The following DHRS7B variants were observed in gnomAD, a reference collection of about 807,000 sequenced individuals.
DHRS7B encodes peroxisomal reductase activating PPAR-gamma.
A neutral mutation model predicts 26.4 loss-of-function variants in DHRS7B; 24 were observed. That is an observed-to-expected ratio of 0.91 (90% CI 0.66 to 1.28). DHRS7B has a LOEUF of 1.28. DHRS7B is among the 50% of genes most tolerant of loss of function. The pLI, the probability that DHRS7B is intolerant of heterozygous loss-of-function variation, is 0.00. For synonymous variants in DHRS7B, 142 were observed against 166.4 expected (o/e 0.85, Z 1.13); for missense variants, 368 against 419.4 (o/e 0.88, Z 1.07).
chr17:21,128,319 T>C (rs907097015), intron 1 of DHRS7B: 2 of 152,004 alleles, frequency 1.3e-5, no homozygotes, highest in Non-Finnish European at 2.9e-5. Flanking sequence ...CCCAGCACTT[T>C]AGGAGGCTGA....
intron 1 of DHRS7B, among the ~76,000 whole-genome samples, chr17:21,163,512 C>T (rs193261761): frequency 2.6e-5 from 4 of 152,134 alleles, no homozygotes; most frequent in South Asian, 2.1e-4. Flanking sequence ...TCAATGCCGC[C>T]GTGAAGAAAA....
intron 1 of DHRS7B, among the ~76,000 whole-genome samples, chr17:21,165,374 C>G (rs1420335627): frequency 6.6e-6 from 1 of 152,006 alleles, no homozygotes; most frequent in Non-Finnish European, 1.5e-5. Flanking sequence ...CAGGGTCTCA[C>G]TCTGTCACCC....
intron 1 of DHRS7B, among the ~76,000 whole-genome samples, chr17:21,157,310 CA>C (rs1973902963): frequency 6.6e-6 from 1 of 152,142 alleles, no homozygotes; most frequent in Non-Finnish European, 1.5e-5. Flanking sequence ...CAAATATCCT[CA>C]AAAAATATTA....
At chr17:21,178,400 T>C (rs1430855281) in intron 3 of DHRS7B, 58 bp downstream of exon 3, 16 of 1,425,022 alleles carry the variant, frequency 1.1e-5, no homozygotes, top group African/African-American at 9.8e-5. Flanking sequence ...CTGTAGGCAC[T>C]GAGGAGATAG....
At chr17:21,172,519 G>A (rs1974281719) in intron 2 of DHRS7B, 2 of 436,446 alleles carry the variant, frequency 4.6e-6, no homozygotes, top group Admixed American at 7.5e-5. Context: ...GCTGAGGTAG[G>A]AATTTTATGT....
chr17:21,166,131 C>T (rs929855866), intron 1 of DHRS7B: 3 of 985,168 alleles, frequency 3.0e-6, no homozygotes, highest in Admixed American at 1.2e-4. Context: ...TCTCCGCCCC[C>T]CCTCACAGGA....
chr17:21,140,002 T>TC (rs1006899429), intron 1 of DHRS7B, among the ~76,000 whole-genome samples: 6 of 148,312 alleles, frequency 4.0e-5, no homozygotes, highest in African/African-American at 1.2e-4. Context: ...ACCTTTTTTT[T>TC]CCTATCAGAC....
chr17:21,140,022 C>CTT lies in DHRS7B; in HGVS notation c.20+13050_20+13051dup, dbSNP rs201900387. On this transcript the variant is annotated intron_variant, in intron 1 of 6. Transcript: ENST00000395511. The stretch of plus-strand genomic sequence containing the variant: ...TTTTTTCCTATCAGACTTTCAGATT[C>CTT]TTTTTTTTTTTTTTTTTTTTGAGAC... 2.2e-4 allele frequency among the ~76,000 whole-genome samples: 24 copies of CTT among 106,684 alleles called. 2 individuals carry two copies. The highest frequency in any genetic ancestry group is 3.1e-4 in the Non-Finnish European group (17 of 54,606). The allele number at this position is 106,684 out of a possible 152,430, so 70.0% of individuals were successfully genotyped here. A position where few individuals can be genotyped will look rare whatever the true frequency, so the allele number is the denominator to read the frequency against.
rs367636484 is a variant in DHRS7B at position 21,146,806 on chromosome 17, C to T, written c.20+19815C>T. Among the ~76,000 whole-genome samples the T allele has an allele frequency of 1.7e-4, 26 of 152,324 alleles. No homozygotes were observed. In the South Asian group the frequency reaches 5.4e-3, roughly 32 times the overall value. ...GGAAGATGTGGTTGGACAACTATAG[C>T]AACTGACCCCAGGCCAAGGGTACTG... On this transcript the variant is annotated intron_variant, in intron 1 of 6. Coordinates refer to ENST00000395511, the MANE Select transcript of DHRS7B (RefSeq NM_015510.5).
At position 21,188,851 on chromosome 17, in the gene DHRS7B, T is replaced by A; in HGVS notation, c.760T>A (p.Ser254Thr). The A allele has an allele frequency of 6.2e-7, 1 of 1,614,144 alleles. No individual in the cohort carries two copies. Among genetic ancestry groups the A allele is most frequent in the Non-Finnish European group, 8.5e-7 (1 of 1,180,030 alleles). The change falls in exon 6 of 7, where the codon TCT becomes ACT. Residue 254 changes from serine to threonine, a missense_variant. By Grantham distance (58) the Ser-to-Thr change is moderately conservative. Coordinates refer to ENST00000395511, the MANE Select transcript of DHRS7B (RefSeq NM_015510.5). ...TGTAAATGCCATCACCGCGGATGGA[T>A]CTAGGTATGGAGGTGAGGCCCGGTT... ...LSVNAITADG[S>T]RYGVMDTTTA...
intron 1 of DHRS7B, among the ~76,000 whole-genome samples, chr17:21,151,644 GAC>G (rs1973774751): frequency 6.6e-6 from 1 of 151,970 alleles, no homozygotes; most frequent in African/African-American, 2.4e-5. Context: ...CAAAATAAAA[GAC>G]AGATAGGTGG....
chr17:21,138,097 TATATACACACACACAC>T (rs1973397694), intron 1 of DHRS7B, among the ~76,000 whole-genome samples: 20 of 87,588 alleles, frequency 2.3e-4, no homozygotes, highest in African/African-American at 1.0e-3. Context: ...TATATATATA[TATATACACACACACAC>T]ACACACACAC....
At chr17:21,144,111 A>G (rs1304392236) in intron 1 of DHRS7B, among the ~76,000 whole-genome samples, 4 of 152,226 alleles carry the variant, frequency 2.6e-5, no homozygotes, top group Non-Finnish European at 5.9e-5. Context: ...AGAAACACTC[A>G]CCTGATGTAG....
rs757272716 is a variant in DHRS7B, at chr17:21,172,148, C to T, written c.151C>T (p.Arg51Trp). The change falls in exon 2 of 7, where the codon CGG becomes TGG. Residue 51 changes from arginine to tryptophan, a missense_variant. By Grantham distance (101) the Arg-to-Trp change is moderately radical. Coordinates refer to ENST00000395511, the MANE Select transcript of DHRS7B (RefSeq NM_015510.5). ...GTGGGTGCGCGGGAAGGCCTACCTG[C>T]GGAATGCTGTGGTGGTGATCACAGG... ...LQWVRGKAYLRNAVVVITGAT... is the reference protein window; with the variant it reads ...LQWVRGKAYLWNAVVVITGAT... 61 of 1,613,780 alleles carry T rather than the reference C, an allele frequency of 3.8e-5. 1 individual carries two copies. The highest frequency in any genetic ancestry group is 5.0e-5 in the Non-Finnish European group (59 of 1,179,924).
rs1479494256 is a variant in DHRS7B, at chr17:21,181,768, AAACACAGCTG to A, written c.310-1824_310-1815del. On this transcript the variant is annotated intron_variant, in intron 3 of 6. Transcript: ENST00000395511. ...CAGATTATTCATTGTTTGTATATAG[AAACACAGCTG>A]ATTTTTGGATGTTGCTCTTGTACCT... is the stretch of plus-strand genomic sequence containing the variant. Among the ~76,000 whole-genome samples, 9 of 152,320 alleles carry A rather than the reference AAACACAGCTG, an allele frequency of 5.9e-5. No homozygotes were observed. In the East Asian group the frequency reaches 1.5e-3, roughly 26 times the overall value.
intron 5 of DHRS7B, 52 bp from the exon 6 acceptor site, chr17:21,188,659 C>T: frequency 6.6e-7 from 1 of 1,516,976 alleles, no homozygotes; most frequent in Admixed American, 2.2e-5. Context: ...GGGCACCAGG[C>T]CATGCCCACC....
At chr17:21,177,591 G>A (rs1003342305) in intron 2 of DHRS7B, among the ~76,000 whole-genome samples, 1 of 152,166 alleles carries the variant, frequency 6.6e-6, no homozygotes, top group Admixed American at 6.5e-5. Context: ...ATAGTCCTGC[G>A]TGTGGCAGGT....
At chr17:21,129,618 TCA>T (rs2143837049) in intron 1 of DHRS7B, among the ~76,000 whole-genome samples, 1 of 144,654 alleles carries the variant, frequency 6.9e-6, no homozygotes, top group Non-Finnish European at 1.5e-5. Flanking sequence ...GTCAGGAGGA[TCA>T]CTTGAGCCCA....
intron 1 of DHRS7B, among the ~76,000 whole-genome samples, chr17:21,145,565 TAAAG>T (rs1973625438): frequency 6.6e-6 from 1 of 152,212 alleles, no homozygotes. Flanking sequence ...TAAGGAGAGA[TAAAG>T]AAATTTAAAC....
Sources: gnomAD v4.1 joint callset for allele counts (sites outside exome capture counted in the v4.1 genomes callset) on GRCh38, gnomAD v4.1.1 for gene constraint, MANE v1.5 for transcripts, NCBI Gene and HGNC (gene_info 2026-07-23, HGNC 2026-07-21) for gene names.